Variants in CCDC158 observed in about 807,000 individuals in gnomAD.
CCDC158 encodes coiled-coil domain-containing protein 158.
CCDC158 carries 116 observed loss-of-function variants against 138.6 expected under a neutral mutation model. The ratio of observed to expected loss-of-function variants is 0.84; its 90% CI spans 0.72 to 0.98. The LOEUF (loss-of-function observed/expected upper bound fraction) is 0.98, where lower values mean the gene tolerates loss of function less well. Among genes scored for constraint, CCDC158 ranks in the 50% least tolerant of loss-of-function variants. The probability of loss-of-function intolerance (pLI) is 0.00; values close to 1 mark genes in which losing one functional copy is unlikely to be tolerated. For missense variants in CCDC158, 1,265 were observed against 1,306.1 expected (o/e 0.97, Z 0.48); for synonymous variants, 436 against 442.4 (o/e 0.99, Z 0.18).
chr4:76,362,175 T>A lies in CCDC158; in HGVS notation c.1971A>T (p.Gln657His). ...TACTTGTTTTCACCTCATTTAATAA[T>A]TGATCTCTCTCTTGTTTGATGTCCT... is the stretch of plus-strand genomic sequence containing the variant. Reference protein sequence around the residue: ...AVKDIKQERDQLLNEVKTSRS... With the variant: ...AVKDIKQERDHLLNEVKTSRS... The change falls in exon 13 of 25, where the codon CAA becomes CAT. Residue 657 changes from glutamine (Q) to histidine (H), a missense_variant. By Grantham distance (24) the Gln-to-His change is conservative. Coordinates refer to ENST00000682701, the MANE Select transcript of CCDC158 (RefSeq NM_001394954.1). The A allele has an allele frequency of 6.2e-7, 1 of 1,614,140 alleles. No individual in the cohort carries two copies.
intron 15 of CCDC158, among the ~76,000 whole-genome samples, chr4:76,353,924 C>T (rs1723285578): frequency 6.6e-6 from 1 of 152,070 alleles, no homozygotes; most frequent in South Asian, 2.1e-4. Flanking sequence ...TACATCAGTG[C>T]ATTGAGTCTA....
chr4:76,348,359 C>T (rs534946376), intron 18 of CCDC158, among the ~76,000 whole-genome samples: 166 of 150,156 alleles, frequency 1.1e-3, no homozygotes, highest in African/African-American at 3.2e-3. Context: ...GGCGTGAACC[C>T]GGAAGGCGGA....
chr4:76,411,767 T>C (rs190614060), intron 2 of CCDC158, among the ~76,000 whole-genome samples: 1 of 152,286 alleles, frequency 6.6e-6, no homozygotes, highest in East Asian at 1.9e-4. Context: ...TAAATGAAAT[T>C]ACAGTTGTGT....
intron 3 of CCDC158, among the ~76,000 whole-genome samples, chr4:76,397,532 A>G (rs534544785): frequency 4.6e-4 from 70 of 152,338 alleles, no homozygotes; most frequent in African/African-American, 1.6e-3. Context: ...TAACATTAGA[A>G]CACTGTACAG....
chr4:76,394,772 TA>T (rs58076565), intron 4 of CCDC158, among the ~76,000 whole-genome samples: 4,453 of 150,476 alleles, frequency 0.03, 213 homozygotes, highest in African/African-American at 0.1. Flanking sequence ...TTTGTTTAAT[TA>T]AAAAAAAAGA....
intron 9 of CCDC158, chr4:76,375,741 A>G: frequency 1.6e-6 from 1 of 621,010 alleles, no homozygotes; most frequent in Non-Finnish European, 2.9e-6. Flanking sequence ...ACAGCATTAC[A>G]GTAAAACACT....
At chr4:76,392,374 T>C (rs1409831729) in intron 4 of CCDC158, among the ~76,000 whole-genome samples, 1 of 151,924 alleles carries the variant, frequency 6.6e-6, no homozygotes, top group African/African-American at 2.4e-5. Context: ...ACAAAAACCA[T>C]ATGATTATTT....
chr4:76,418,068 T>C (rs962703195), intron 1 of CCDC158, among the ~76,000 whole-genome samples: 2 of 152,220 alleles, frequency 1.3e-5, no homozygotes, highest in African/African-American at 2.4e-5. Context: ...GGCCACATAC[T>C]GAAGACTTTG....
intron 2 of CCDC158, among the ~76,000 whole-genome samples, chr4:76,408,234 C>G (rs977396359): frequency 6.6e-6 from 1 of 151,422 alleles, no homozygotes; most frequent in Non-Finnish European, 1.5e-5. Flanking sequence ...ATGTGCACAA[C>G]GTGCAGGTTT....
chr4:76,331,204 G>A (rs1720973621), intron 21 of CCDC158, 140 bp downstream of exon 21: 3 of 665,720 alleles, frequency 4.5e-6, no homozygotes, highest in Non-Finnish European at 7.6e-6. Context: ...CTTGAGGACA[G>A]AGCCCATATC....
chr4:76,405,342 G>A (rs1194831067), intron 2 of CCDC158, among the ~76,000 whole-genome samples: 3 of 152,144 alleles, frequency 2.0e-5, no homozygotes, highest in East Asian at 1.9e-4. Context: ...TGACTGTACC[G>A]GGACACTGTG....
intron 12 of CCDC158, among the ~76,000 whole-genome samples, chr4:76,364,642 C>T (rs1228904647): frequency 6.6e-6 from 1 of 152,158 alleles, no homozygotes; most frequent in Non-Finnish European, 1.5e-5. Context: ...GTCACTTACA[C>T]TGTATTTCTG....
intron 9 of CCDC158, among the ~76,000 whole-genome samples, chr4:76,378,043 C>T (rs755973871): frequency 1.5e-4 from 23 of 152,210 alleles, no homozygotes; most frequent in Non-Finnish European, 3.1e-4. Flanking sequence ...AAAGGACCCA[C>T]ATCTATAACT....
chr4:76,407,227 C>A (rs1418946142), intron 2 of CCDC158: 1 of 152,032 alleles, frequency 6.6e-6, no homozygotes, highest in Non-Finnish European at 1.5e-5. Context: ...CTCACATTTT[C>A]TTCCTTTTGA....
At chr4:76,361,356 A>T (rs1724116919) in intron 13 of CCDC158, among the ~76,000 whole-genome samples, 1 of 152,084 alleles carries the variant, frequency 6.6e-6, no homozygotes, top group African/African-American at 2.4e-5. Context: ...AGGTCAGGAG[A>T]TCGAGACCAT....
intron 13 of CCDC158, among the ~76,000 whole-genome samples, chr4:76,358,447 C>CA (rs1384773465): frequency 6.6e-6 from 1 of 152,172 alleles, no homozygotes; most frequent in African/African-American, 2.4e-5. Context: ...TAAAATCTGA[C>CA]AAAAAATCTC....
At chr4:76,392,387 A>G (rs559850487) in intron 4 of CCDC158, among the ~76,000 whole-genome samples, 7 of 152,108 alleles carry the variant, frequency 4.6e-5, no homozygotes, top group Non-Finnish European at 7.4e-5. Flanking sequence ...GATTATTTCA[A>G]TTGAGGCTGA....
rs777150268 is a variant in CCDC158, at chr4:76,369,526, T to C, written c.1247A>G (p.His416Arg). The C allele has an allele frequency of 2.9e-5, 46 of 1,614,000 alleles. No individual in the cohort carries two copies. Among genetic ancestry groups the C allele is most frequent in the Non-Finnish European group, 3.8e-5 (45 of 1,180,006 alleles). Residue 416 changes from histidine (H) to arginine (R), a missense_variant, in exon 11 of 25, where the codon CAC (histidine) becomes CGC (arginine). His to Arg is a conservative substitution (Grantham distance 29, BLOSUM62 0). Transcript: ENST00000682701. ...RDTGNSITID[H>R]LRRELDNRNM... ...CCGGTTGTCCAGTTCCCGCCGCAGG[T>C]GGTCAATGGTGATGCTGTTGCCTGT...
At chr4:76,341,746 A>C (rs150505933) in intron 18 of CCDC158, among the ~76,000 whole-genome samples, 1 of 152,378 alleles carries the variant, frequency 6.6e-6, no homozygotes, top group East Asian at 1.9e-4. Context: ...ATACAGTAAT[A>C]ACATGTTCTA....
Sources: gnomAD v4.1 joint callset for allele counts (sites outside exome capture counted in the v4.1 genomes callset) on GRCh38, gnomAD v4.1.1 for gene constraint, MANE v1.5 for transcripts, NCBI Gene and HGNC (gene_info 2026-07-23, HGNC 2026-07-21) for gene names.